The following LRRC4C variants were observed in gnomAD, a reference collection of about 807,000 sequenced individuals.
LRRC4C encodes the protein leucine rich repeat containing 4C, also known as leucine-rich repeat-containing protein 4C.
A neutral mutation model predicts 33.6 loss-of-function variants in LRRC4C; 5 were observed. The observed-to-expected ratio is 0.15, with a 90% CI of 0.08 to 0.31. LRRC4C has a LOEUF of 0.31. LRRC4C is among the 10% of genes least tolerant of loss of function. LRRC4C has a pLI of 1.00. For synonymous variants in LRRC4C, 329 were observed against 302.0 expected (o/e 1.09, Z -0.93); for missense variants, 560 against 796.7 (o/e 0.70, Z 3.58).
rs80345745 is a variant in LRRC4C at position 40,695,371 on chromosome 11, C to T, written c.-406-47093G>A. 7.8e-4 allele frequency among the ~76,000 whole-genome samples: 118 copies of T among 152,222 alleles called. 1 individual carries two copies. The highest frequency in any genetic ancestry group is 2.6e-3 in the African/African-American group (106 of 41,544). ...TCTTTCTTTGCCAGAACATCAGTTT[C>T]AGAAAGGCAGAGACCTCATCTCCTT... is the stretch of plus-strand genomic sequence containing the variant. On this transcript the variant is annotated intron_variant, in intron 2 of 6. Transcript: ENST00000528697.
At chr11:40,854,947 C>A (rs1394633808) in intron 2 of LRRC4C, among the ~76,000 whole-genome samples, 1 of 152,002 alleles carries the variant, frequency 6.6e-6, no homozygotes, top group Admixed American at 6.6e-5. Context: ...GACACATATG[C>A]TAAAACGAAT....
intron 3 of LRRC4C, among the ~76,000 whole-genome samples, chr11:40,599,541 TG>T (rs1959758569): frequency 2.0e-5 from 3 of 152,186 alleles, no homozygotes; most frequent in Admixed American, 2.0e-4. Context: ...ACCATGTTTT[TG>T]CCTCTCTGAA....
intron 1 of LRRC4C, among the ~76,000 whole-genome samples, chr11:41,198,156 T>C (rs1173197232): frequency 1.3e-5 from 2 of 152,060 alleles, no homozygotes; most frequent in African/African-American, 4.8e-5. Context: ...TATGGATAAA[T>C]CTATAGATTT....
At chr11:40,952,893 C>T (rs1342115185) in intron 1 of LRRC4C, among the ~76,000 whole-genome samples, 1 of 49,426 alleles carries the variant, frequency 2.0e-5, no homozygotes, top group African/African-American at 4.8e-5. Flanking sequence ...CACACACACA[C>T]ACACTCTCTC....
At chr11:40,972,205 T>G (rs551666684) in intron 1 of LRRC4C, among the ~76,000 whole-genome samples, 39 of 151,766 alleles carry the variant, frequency 2.6e-4, no homozygotes, top group Admixed American at 1.3e-3. Context: ...GGTGCAATCT[T>G]GGCTCACTGC....
At chr11:41,443,089 A>ATTTTTTTTTTTTTTTTTTTTTTCTTTCT in intron 1 of LRRC4C, among the ~76,000 whole-genome samples, 2 of 105,994 alleles carry the variant, frequency 1.9e-5, no homozygotes, top group Non-Finnish European at 3.5e-5. Flanking sequence ...TGTTTGCTTC[A>ATTTTTTTTTTTTTTTTTTTTTTCTTTCT]TTTTTTTTTT....
intron 1 of LRRC4C, among the ~76,000 whole-genome samples, chr11:41,009,319 A>C (rs1855001646): frequency 6.6e-6 from 1 of 151,970 alleles, no homozygotes; most frequent in Non-Finnish European, 1.5e-5. Flanking sequence ...TATCTAGTAA[A>C]ATTAGGGAAG....
chr11:41,255,618 T>G lies in LRRC4C; in HGVS notation c.-496+203813A>C, dbSNP rs1453212007. Among the ~76,000 whole-genome samples, 3 of 151,968 alleles carry G rather than the reference T, an allele frequency of 2.0e-5. No homozygotes were observed. In the East Asian group the frequency reaches 5.8e-4, roughly 29 times the overall value. On this transcript the variant is annotated intron_variant, in intron 1 of 6. Transcript: ENST00000528697. ...TTGTTGTTCCAGGAAGAGGTGAAATTGTAAAAGAGAACAACTGTGGAACCA... is the reference window on the plus strand; with the variant it reads ...TTGTTGTTCCAGGAAGAGGTGAAATGGTAAAAGAGAACAACTGTGGAACCA...
intron 2 of LRRC4C, among the ~76,000 whole-genome samples, chr11:40,702,456 T>C (rs1465195651): frequency 6.6e-6 from 1 of 152,192 alleles, no homozygotes; most frequent in African/African-American, 2.4e-5. Context: ...TCTTTCCTTC[T>C]TTTATTCCTT....
intron 2 of LRRC4C, among the ~76,000 whole-genome samples, chr11:40,717,316 C>A (rs1946781231): frequency 1.4e-5 from 2 of 147,828 alleles, no homozygotes; most frequent in African/African-American, 5.0e-5. Flanking sequence ...AAGATGTTAA[C>A]AATTTTGGAG....
chr11:40,589,461 C>A (rs1288336752), intron 3 of LRRC4C, among the ~76,000 whole-genome samples: 2 of 151,838 alleles, frequency 1.3e-5, no homozygotes, highest in East Asian at 1.9e-4. Flanking sequence ...TTAATTGGAG[C>A]ATTTAGTCCA....
At chr11:40,802,493 G>A (rs1565079412) in intron 2 of LRRC4C, among the ~76,000 whole-genome samples, 1 of 130,882 alleles carries the variant, frequency 7.6e-6, no homozygotes, top group Non-Finnish European at 1.7e-5. Context: ...ATAATTCTTA[G>A]GAGGTTAGAA....
intron 3 of LRRC4C, among the ~76,000 whole-genome samples, chr11:40,427,746 C>G (rs974710838): frequency 6.6e-6 from 1 of 152,126 alleles, no homozygotes; most frequent in Non-Finnish European, 1.5e-5. Flanking sequence ...GGGAGGATCA[C>G]TTGAGTCTGG....
intron 1 of LRRC4C, among the ~76,000 whole-genome samples, chr11:41,444,625 G>A (rs967030264): frequency 2.0e-5 from 3 of 152,126 alleles, no homozygotes; most frequent in Non-Finnish European, 2.9e-5. Flanking sequence ...CTCAATGAGC[G>A]TTTAATAGTT....
chr11:40,681,367 A>G (rs1944676203), intron 2 of LRRC4C, among the ~76,000 whole-genome samples: 1 of 152,190 alleles, frequency 6.6e-6, no homozygotes, highest in Non-Finnish European at 1.5e-5. Flanking sequence ...AATACACAAT[A>G]CACTTCTATG....
In LRRC4C at chr11:40,927,691, G is replaced by A. The variant is rs1305349791; in HGVS notation, c.-407+5944C>T. ...CCTAACATGTTATTAAAGCCTCTTC[G>A]GGCAGTTAAAAATGGATTAATAGCA... On this transcript the variant is annotated intron_variant, in intron 2 of 6. Transcript: ENST00000528697. Among the ~76,000 whole-genome samples, 15 of 151,700 alleles carry A rather than the reference G, an allele frequency of 9.9e-5. No individual in the cohort carries two copies. In the East Asian group the frequency reaches 1.5e-3, roughly 16 times the overall value.
rs1487651671 is a variant in LRRC4C at position 41,240,298 on chromosome 11, T to C, written c.-496+219133A>G. Among the ~76,000 whole-genome samples the C allele has an allele frequency of 4.6e-5, 7 of 152,184 alleles. No homozygotes were observed. The East Asian group carries it at 1.4e-3, about 29-fold the overall frequency. ...TTACCGCATCTAATTCTTGATGCCA[T>C]GCTTTGGGGAAAATACAAAGAAATC... On this transcript the variant is annotated intron_variant, in intron 1 of 6. Coordinates refer to ENST00000528697, the MANE Select transcript of LRRC4C (RefSeq NM_001258419.2).
At chr11:40,569,042 G>A (rs1368365074) in intron 3 of LRRC4C, among the ~76,000 whole-genome samples, 2 of 152,126 alleles carry the variant, frequency 1.3e-5, no homozygotes, top group African/African-American at 4.8e-5. Context: ...ACCAAACGCA[G>A]TAGCCGAGAC....
chr11:40,592,172 C>A (rs1383058553), intron 3 of LRRC4C, among the ~76,000 whole-genome samples: 1 of 152,158 alleles, frequency 6.6e-6, no homozygotes, highest in Non-Finnish European at 1.5e-5. Context: ...AATAATGACA[C>A]AATTAACAGT....
Sources: gnomAD v4.1 joint callset for allele counts (sites outside exome capture counted in the v4.1 genomes callset) on GRCh38, gnomAD v4.1.1 for gene constraint, MANE v1.5 for transcripts, NCBI Gene and HGNC (gene_info 2026-07-23, HGNC 2026-07-21) for gene names.